The following DRC7 variants were observed in gnomAD, a reference collection of about 807,000 sequenced individuals.
DRC7 encodes the protein coiled-coil domain containing 135.
In DRC7, 80 loss-of-function variants were observed where a neutral mutation model predicts 104.4. That is an observed-to-expected ratio of 0.77 (90% CI 0.64 to 0.92). The LOEUF is 0.92. Ranked by LOEUF, DRC7 falls within the 40% of genes least tolerant of loss-of-function variation. The pLI is 0.00. For missense variants in DRC7, 1,034 were observed against 1,141.1 expected (o/e 0.91, Z 1.35); for synonymous variants, 405 against 447.3 (o/e 0.91, Z 1.19).
chr16:57,723,127 C>A lies in DRC7; in HGVS notation c.1534C>A (p.Arg512Ser), dbSNP rs140152877. The change falls in exon 12 of 19, where the codon CGC becomes AGC. Residue 512 changes from arginine (R) to serine (S), a missense_variant. By Grantham distance (110) the Arg-to-Ser change is moderately radical. Coordinates refer to ENST00000360716, the MANE Select transcript of DRC7 (RefSeq NM_001289162.2). ...YFKPGHPQAL[R>S]VHSYKSMQPE... is the part of the protein sequence containing the mutation. ...CAAGCCTGGCCACCCCCAGGCTCTG[C>A]GCGGTGCGTGGCTCCCCTTTCCTGG... is the stretch of plus-strand genomic sequence containing the variant. 3.1e-6 allele frequency: 5 copies of A among 1,613,442 alleles called. No individual in the cohort carries two copies. The South Asian group carries it at 5.5e-5, about 18-fold the overall frequency.
At chr16:57,723,276 C>T in intron 12 of DRC7, 146 bp downstream of exon 12, 1 of 919,490 alleles carries the variant, frequency 1.1e-6, no homozygotes, top group Non-Finnish European at 1.6e-6. Context: ...TGCCCTGCCT[C>T]CCTCAGCAAA....
At position 57,727,504 on chromosome 16, in the gene DRC7, T is replaced by C. The variant is rs187238430; in HGVS notation, c.2196+95T>C. ...CATGAGGGATTCTGCTGAGAAACCC[T>C]CTGTGGGGGATACGGTTATTGATAC... is the stretch of plus-strand genomic sequence containing the variant. On this transcript the variant is annotated intron_variant, in intron 16 of 18. Coordinates refer to ENST00000360716, the MANE Select transcript of DRC7 (RefSeq NM_001289162.2). 53 of 850,346 alleles carry C rather than the reference T, an allele frequency of 6.2e-5. 1 individual carries two copies. The Middle Eastern group carries it at 6.7e-4, about 11-fold the overall frequency. The allele number at this position is 850,346 out of a possible 1,614,324, so 52.7% of individuals were successfully genotyped here.
intron 7 of DRC7, among the ~76,000 whole-genome samples, chr16:57,705,949 CCCATCCATCCTTCCAT>C (rs1425615217): frequency 6.9e-6 from 1 of 143,982 alleles, no homozygotes; most frequent in East Asian, 2.2e-4. Context: ...CATCCATCCT[CCCATCCATCCTTCCAT>C]CCATCCATCC....
chr16:57,696,355 T>G (rs2048592187), intron 1 of DRC7, 109 bp from the exon 2 acceptor site: 1 of 152,290 alleles, frequency 6.6e-6, no homozygotes, highest in Non-Finnish European at 1.5e-5. Context: ...GGCCACCTCA[T>G]GGTCTCGCCT....
chr16:57,705,495 T>TTG (rs2048703520), intron 7 of DRC7, among the ~76,000 whole-genome samples: 1 of 140,784 alleles, frequency 7.1e-6, no homozygotes, highest in Non-Finnish European at 1.5e-5. Context: ...CATCCATCCA[T>TTG]CCTCCTACCC....
At chr16:57,727,515 T>C (rs1341780321) in intron 16 of DRC7, 106 bp downstream of exon 16, 6 of 774,446 alleles carry the variant, frequency 7.7e-6, no homozygotes, top group Non-Finnish European at 1.1e-5. Flanking sequence ...CTGTGGGGGA[T>C]ACGGTTATTG....
chr16:57,723,730 GAA>G (rs879314145), intron 12 of DRC7, among the ~76,000 whole-genome samples: 2 of 108,710 alleles, frequency 1.8e-5, no homozygotes, highest in African/African-American at 7.2e-5. Context: ...CCTGTCTCAA[GAA>G]AAAAAAAAAA....
At chr16:57,721,844 C>A in intron 10 of DRC7, 105 bp downstream of exon 10, 1 of 766,196 alleles carries the variant, frequency 1.3e-6, no homozygotes, top group Non-Finnish European at 2.2e-6. Flanking sequence ...GAATGCCATG[C>A]CCCACATTTC....
At chr16:57,723,155 C>T (rs2048924068) in intron 12 of DRC7, 25 bp downstream of exon 12, 3 of 1,609,684 alleles carry the variant, frequency 1.9e-6, no homozygotes, top group East Asian at 4.5e-5. Context: ...TTTCCTGGGC[C>T]ACCCAGGAGC....
intron 3 of DRC7, 32 bp from the exon 4 acceptor site, chr16:57,698,818 G>A (rs1302202038): frequency 6.2e-7 from 1 of 1,603,992 alleles, no homozygotes; most frequent in Admixed American, 1.7e-5. Flanking sequence ...GCCAGGCATG[G>A]CTTCCCTAAT....
intron 8 of DRC7, chr16:57,714,782 C>A: frequency 2.3e-6 from 1 of 430,082 alleles, no homozygotes; most frequent in Admixed American, 2.8e-5. Context: ...AATCTTATGG[C>A]TGTCAACAGC....
intron 12 of DRC7, among the ~76,000 whole-genome samples, chr16:57,724,181 G>A (rs1380390769): frequency 6.6e-6 from 1 of 151,820 alleles, no homozygotes; most frequent in Non-Finnish European, 1.5e-5. Flanking sequence ...GTGGTGGCAG[G>A]TGCCTGTAGT....
intron 8 of DRC7, among the ~76,000 whole-genome samples, chr16:57,716,135 G>T (rs2048840871): frequency 6.6e-6 from 1 of 152,192 alleles, no homozygotes; most frequent in South Asian, 2.1e-4. Context: ...TAGAACTTAA[G>T]TTAAAGTAAC....
intron 7 of DRC7, among the ~76,000 whole-genome samples, chr16:57,706,549 CCCATCCTCCCATCCAT>C (rs1198769759): frequency 8.1e-6 from 1 of 123,154 alleles, no homozygotes; most frequent in Non-Finnish European, 1.7e-5. Context: ...CACCCATCCT[CCCATCCTCCCATCCAT>C]CCATCCTCCC....
chr16:57,721,677 A>G lies in DRC7; in HGVS notation c.1217A>G (p.Asp406Gly). The G allele has an allele frequency of 6.2e-7, 1 of 1,613,696 alleles. No individual in the cohort carries two copies. Among genetic ancestry groups the G allele is most frequent in the South Asian group, 1.1e-5 (1 of 91,072 alleles). The stretch of plus-strand genomic sequence containing the variant: ...CTTCTCTCCCATCAGGGCAAGGAGG[A>G]TGAGGATAAGAGCTTCGACATGCCC... ...EDDVENLGKE[D>G]EDKSFDMPHS... Residue 406 changes from aspartate (D) to glycine (G), a missense_variant, in exon 10 of 19, where the codon GAT (aspartate) becomes GGT (glycine). By Grantham distance (94) the Asp-to-Gly change is moderately conservative. Coordinates refer to ENST00000360716, the MANE Select transcript of DRC7 (RefSeq NM_001289162.2).
At chr16:57,723,997 G>A (rs1221941899) in intron 12 of DRC7, among the ~76,000 whole-genome samples, 2 of 152,120 alleles carry the variant, frequency 1.3e-5, no homozygotes, top group Non-Finnish European at 2.9e-5. Flanking sequence ...CTGGAGGACA[G>A]TTGGGCAAAA....
At chr16:57,704,815 A>AAAGAG in intron 6 of DRC7, 61 bp from the exon 7 acceptor site, 2 of 1,581,784 alleles carry the variant, frequency 1.3e-6, no homozygotes, top group Non-Finnish European at 1.7e-6. Flanking sequence ...CACCTCTTGG[A>AAAGAG]GTTGCACATG....
At chr16:57,730,630 G>A (rs2049050352) in intron 17 of DRC7, among the ~76,000 whole-genome samples, 1 of 152,076 alleles carries the variant, frequency 6.6e-6, no homozygotes, top group Non-Finnish European at 1.5e-5. Flanking sequence ...TCCTTTTGTA[G>A]ACAAGAAATT....
At chr16:57,697,760 T>C in intron 2 of DRC7, 153 bp from the exon 3 acceptor site, 1 of 785,526 alleles carries the variant, frequency 1.3e-6, no homozygotes, top group East Asian at 2.5e-5. Context: ...ACTTTCTCCA[T>C]GTTTGAAAGG....
Sources: allele counts gnomAD v4.1 joint callset (sites outside exome capture counted in the v4.1 genomes callset), GRCh38; gene constraint gnomAD v4.1.1; transcripts MANE v1.5; gene names NCBI Gene and HGNC (gene_info 2026-07-23, HGNC 2026-07-21).